LRBA: variants seen among roughly 807,000 people sequenced by gnomAD.
LRBA encodes the protein lipopolysaccharide-responsive and beige-like anchor protein.
In LRBA, 176 loss-of-function variants were observed where a neutral mutation model predicts 330.0. The observed-to-expected ratio is 0.53, with a 90% CI of 0.47 to 0.60. The LOEUF is 0.60. Among genes scored for constraint, LRBA ranks in the 20% least tolerant of loss-of-function variants. The pLI is 0.00. For missense variants in LRBA, 3,259 were observed against 3,444.8 expected (o/e 0.95, Z 1.35); for synonymous variants, 1,230 against 1,193.0 (o/e 1.03, Z -0.64).
chr4:150,609,512 A>G (rs1184376493), intron 37 of LRBA, among the ~76,000 whole-genome samples: 1 of 152,224 alleles, frequency 6.6e-6, no homozygotes, highest in Admixed American at 6.5e-5. Flanking sequence ...TGTACTTCTT[A>G]TAAGAGATAT....
At chr4:150,466,479 T>A (rs1178138833) in intron 44 of LRBA, among the ~76,000 whole-genome samples, 1 of 152,096 alleles carries the variant, frequency 6.6e-6, no homozygotes, top group Non-Finnish European at 1.5e-5. Context: ...ACCTGTGGCC[T>A]AAGATGGATT....
chr4:150,668,495 G>A (rs1781762977), intron 37 of LRBA, among the ~76,000 whole-genome samples: 1 of 152,026 alleles, frequency 6.6e-6, no homozygotes, highest in South Asian at 2.1e-4. Context: ...TTATCCATGT[G>A]GCCTAAATCC....
intron 47 of LRBA, among the ~76,000 whole-genome samples, chr4:150,413,871 A>G (rs1462366186): frequency 2.0e-5 from 3 of 152,172 alleles, no homozygotes; most frequent in Admixed American, 6.6e-5. Context: ...ATCCCTGGGG[A>G]AAAAAAACCA....
intron 48 of LRBA, among the ~76,000 whole-genome samples, chr4:150,347,950 G>T (rs62346993): frequency 0.2 from 29,688 of 146,356 alleles, 2,937 homozygotes; most frequent in Admixed American, 0.23. Flanking sequence ...CAATGCTGTA[G>T]CCTCTAGTCA....
chr4:150,857,651 T>A (rs980454319), intron 22 of LRBA, among the ~76,000 whole-genome samples: 3 of 152,180 alleles, frequency 2.0e-5, no homozygotes, highest in Admixed American at 1.3e-4. Flanking sequence ...TGAACCAGGC[T>A]CATCATTGGT....
chr4:150,639,736 A>AATATAT (rs1212252752), intron 37 of LRBA, among the ~76,000 whole-genome samples: 8 of 51,152 alleles, frequency 1.6e-4, no homozygotes, highest in Non-Finnish European at 1.1e-4. Context: ...CTATGCCCCA[A>AATATAT]ATATATATAT....
intron 56 of LRBA, among the ~76,000 whole-genome samples, chr4:150,272,098 G>C (rs1746195748): frequency 6.6e-6 from 1 of 152,090 alleles, no homozygotes; most frequent in African/African-American, 2.4e-5. Flanking sequence ...TCTGGCGGAG[G>C]CCCCTCTGGA....
In LRBA at chr4:150,817,162, T is replaced by C. The variant is rs867315755; in HGVS notation, c.5267A>G (p.Asp1756Gly). The change falls in exon 31 of 57, where the codon GAT (aspartate) becomes GGT (glycine). Residue 1756 changes from aspartate (D) to glycine (G), a missense_variant. Asp to Gly is a moderately conservative substitution (Grantham distance 94). Coordinates refer to ENST00000651943, the MANE Select transcript of LRBA (RefSeq NM_001364905.1). ...TNAVSVVSSV[D>G]SAQASDMGGE... ...TCCCATATCTGAGGCTTGGGCTGAA[T>C]CTACTGAGGAAACCACACTGACAGC... is the stretch of plus-strand genomic sequence containing the variant. 1 of 1,612,162 alleles carries C rather than the reference T, an allele frequency of 6.2e-7. No individual in the cohort carries two copies. The highest frequency in any genetic ancestry group is 8.5e-7 in the Non-Finnish European group (1 of 1,178,652).
intron 40 of LRBA, among the ~76,000 whole-genome samples, chr4:150,558,896 G>A (rs746208096): frequency 5.3e-5 from 8 of 151,986 alleles, no homozygotes; most frequent in Non-Finnish European, 1.0e-4. Context: ...CAGGATATTC[G>A]CATGGTATCA....
chr4:150,787,373 C>T (rs925739807), intron 34 of LRBA, among the ~76,000 whole-genome samples: 5 of 152,082 alleles, frequency 3.3e-5, no homozygotes, highest in East Asian at 3.9e-4. Flanking sequence ...ATATGTGGAT[C>T]GTAAAAATGT....
intron 4 of LRBA, among the ~76,000 whole-genome samples, chr4:150,927,761 T>TA (rs1042859304): frequency 1.1e-4 from 16 of 152,006 alleles, no homozygotes; most frequent in South Asian, 4.2e-4. Flanking sequence ...TGAAAATTAG[T>TA]AAAAAAAACT....
intron 17 of LRBA, among the ~76,000 whole-genome samples, chr4:150,876,793 C>T (rs1754077687): frequency 6.6e-6 from 1 of 152,072 alleles, no homozygotes; most frequent in Non-Finnish European, 1.5e-5. Context: ...ATAAAACAAC[C>T]ACACAAAAGA....
intron 34 of LRBA, among the ~76,000 whole-genome samples, chr4:150,780,630 C>T (rs1334607033): frequency 1.9e-4 from 9 of 46,580 alleles, no homozygotes; most frequent in East Asian, 1.2e-3. Context: ...TATATATACA[C>T]GTATATATAT....
chr4:150,892,901 A>C (rs1358347197), intron 17 of LRBA, 151 bp downstream of exon 17: 1 of 514,508 alleles, frequency 1.9e-6, no homozygotes, highest in Non-Finnish European at 3.5e-6. Context: ...ATTGAAAAAA[A>C]ATGCATGATT....
chr4:151,009,324 A>T (rs143563179), intron 2 of LRBA, among the ~76,000 whole-genome samples: 3,160 of 151,952 alleles, frequency 0.021, 53 homozygotes, highest in Non-Finnish European at 0.035. Flanking sequence ...CAAGGCAGGC[A>T]GATCACTTGA....
intron 40 of LRBA, among the ~76,000 whole-genome samples, chr4:150,530,655 T>C (rs1418613062): frequency 6.6e-6 from 1 of 152,042 alleles, no homozygotes. Context: ...CTTTCCCTGT[T>C]CCATTTTCCC....
At chr4:150,578,719 C>A (rs1034168398) in intron 40 of LRBA, among the ~76,000 whole-genome samples, 1 of 152,216 alleles carries the variant, frequency 6.6e-6, no homozygotes, top group African/African-American at 2.4e-5. Context: ...TCAGTACTAT[C>A]ACCTACATTC....
chr4:150,493,157 AT>A (rs892842763), intron 40 of LRBA, among the ~76,000 whole-genome samples: 2 of 151,716 alleles, frequency 1.3e-5, no homozygotes, highest in Non-Finnish European at 2.9e-5. Context: ...ACTTTTAACA[AT>A]TTTTTTGTAG....
At chr4:150,512,805 C>T (rs1761969653) in intron 40 of LRBA, among the ~76,000 whole-genome samples, 1 of 150,736 alleles carries the variant, frequency 6.6e-6, no homozygotes. Flanking sequence ...TGAACACCTT[C>T]ACCTCCCCCC....
Sources: allele counts gnomAD v4.1 joint callset (sites outside exome capture counted in the v4.1 genomes callset), GRCh38; gene constraint gnomAD v4.1.1; transcripts MANE v1.5; gene names NCBI Gene and HGNC (gene_info 2026-07-23, HGNC 2026-07-21).